JARID2: variants seen among roughly 807,000 people sequenced by gnomAD.
JARID2 encodes the protein jumonji and AT-rich interaction domain containing 2, also known as protein Jumonji.
JARID2 carries 21 observed loss-of-function variants against 125.6 expected under a neutral mutation model. The ratio of observed to expected loss-of-function variants is 0.17; its 90% CI spans 0.12 to 0.24. JARID2 has a LOEUF of 0.24. JARID2 is among the 10% of genes least tolerant of loss of function. JARID2 has a pLI of 1.00. For synonymous variants in JARID2, 736 were observed against 661.6 expected (o/e 1.11, Z -1.73); for missense variants, 1,303 against 1,639.6 (o/e 0.79, Z 3.55).
At chr6:15,300,683 TTGTGTGTG>T (rs35433395) in intron 1 of JARID2, among the ~76,000 whole-genome samples, 22 of 114,488 alleles carry the variant, frequency 1.9e-4, no homozygotes, top group South Asian at 3.5e-4. Context: ...TGTCCTCATG[TTGTGTGTG>T]TGTGTGTGTG....
At chr6:15,248,105 G>A in intron 1 of JARID2, 1 of 985,146 alleles carries the variant, frequency 1.0e-6, no homozygotes, top group Non-Finnish European at 1.2e-6. Context: ...TCGTGTCTCC[G>A]AGTCCGGGCG....
chr6:15,494,413 C>CTGTTTTTTT (rs1770303166), intron 6 of JARID2, among the ~76,000 whole-genome samples: 1 of 80,596 alleles, frequency 1.2e-5, no homozygotes, highest in Non-Finnish European at 2.2e-5. Flanking sequence ...TTTGGCAAGT[C>CTGTTTTTTT]TTTTTTTTTT....
chr6:15,321,205 TATCAGTATA>T (rs1239689033), intron 1 of JARID2, among the ~76,000 whole-genome samples: 1 of 152,174 alleles, frequency 6.6e-6, no homozygotes, highest in Non-Finnish European at 1.5e-5. Flanking sequence ...ATATACTATA[TATCAGTATA>T]ATCAGTATAA....
At chr6:15,272,024 T>G (rs1446568353) in intron 1 of JARID2, among the ~76,000 whole-genome samples, 1 of 150,270 alleles carries the variant, frequency 6.7e-6, no homozygotes, top group Non-Finnish European at 1.5e-5. Context: ...TCAGGAGAGG[T>G]TGAGGCATGA....
At chr6:15,508,548 T>A in intron 12 of JARID2, 94 bp downstream of exon 12, 1 of 738,960 alleles carries the variant, frequency 1.4e-6, no homozygotes, top group Non-Finnish European at 2.4e-6. Flanking sequence ...TCCAGGTGGT[T>A]CCACGTGCTT....
In JARID2 at chr6:15,520,434, A is replaced by AAAGT; in HGVS notation, c.*183_*184insAAGT. 2.0e-6 allele frequency: 1 copy of AAAGT among 500,878 alleles called. No individual in the cohort carries two copies. Among genetic ancestry groups the AAAGT allele is most frequent in the Non-Finnish European group, 3.4e-6 (1 of 292,344 alleles). The allele number at this position is 500,878 out of a possible 1,614,324, so 31.0% of individuals were successfully genotyped here. On this transcript the variant is annotated 3_prime_UTR_variant, in exon 18 of 18. Coordinates refer to ENST00000341776, the MANE Select transcript of JARID2 (RefSeq NM_004973.4). The stretch of plus-strand genomic sequence containing the variant: ...TTGAACTTTTTTTTGTACTTAGAAA[A>AAAGT]CCTAGATACTGCAGTCAGATTTTGG...
chr6:15,411,970 CTT>C (rs549679576), intron 3 of JARID2, among the ~76,000 whole-genome samples: 174 of 152,326 alleles, frequency 1.1e-3, no homozygotes, highest in African/African-American at 3.7e-3. Context: ...CTAGCTTTCT[CTT>C]TGTATGGGAC....
chr6:15,319,264 T>A (rs1304189802), intron 1 of JARID2, among the ~76,000 whole-genome samples: 1 of 152,166 alleles, frequency 6.6e-6, no homozygotes, highest in Non-Finnish European at 1.5e-5. Context: ...GGTGGACCAA[T>A]GAGAAGCTGT....
At position 15,521,548 on chromosome 6, in the gene JARID2, AC is replaced by A. The variant is rs1385720859; in HGVS notation, c.*1298del. The stretch of plus-strand genomic sequence containing the variant: ...GTGCTGCTTACATCACTGAACAACA[AC>A]AAAAAAATAATAATGGAGTAGCTGT... On this transcript the variant is annotated 3_prime_UTR_variant, in exon 18 of 18. Coordinates refer to ENST00000341776, the MANE Select transcript of JARID2 (RefSeq NM_004973.4). The A allele has an allele frequency of 6.6e-6, 1 of 152,196 alleles. No individual in the cohort carries two copies. Among genetic ancestry groups the A allele is most frequent in the African/African-American group, 2.4e-5 (1 of 41,422 alleles). The allele number at this position is 152,196 out of a possible 1,614,324, so 9.4% of individuals were successfully genotyped here.
intron 3 of JARID2, among the ~76,000 whole-genome samples, chr6:15,426,547 G>A (rs1223912118): frequency 1.3e-5 from 2 of 152,220 alleles, no homozygotes; most frequent in African/African-American, 2.4e-5. Flanking sequence ...CTATGCTTAA[G>A]TGTTGGCTCC....
chr6:15,361,763 TG>T (rs1219396893), intron 1 of JARID2, among the ~76,000 whole-genome samples: 1 of 152,120 alleles, frequency 6.6e-6, no homozygotes, highest in Non-Finnish European at 1.5e-5. Flanking sequence ...AAGGAAGAAA[TG>T]TTGGAACTGG....
intron 3 of JARID2, among the ~76,000 whole-genome samples, chr6:15,430,962 C>T (rs1766941779): frequency 6.6e-6 from 1 of 152,164 alleles, no homozygotes; most frequent in Non-Finnish European, 1.5e-5. Flanking sequence ...TACTCAGCCC[C>T]CAAGAAATAT....
rs747597176 is a variant in JARID2 at position 15,512,409 on chromosome 6, C to T, written c.3135+19C>T. 2 of 1,609,748 alleles carry T rather than the reference C, an allele frequency of 1.2e-6. No individual in the cohort carries two copies. The highest frequency in any genetic ancestry group is 1.1e-5 in the South Asian group (1 of 90,988). ...CGCCAAGGTGAGCAGAGCCGGCCTC[C>T]TCCCGCTTGCTGCCCCCGCATCCCT... On this transcript the variant is annotated intron_variant, in intron 14 of 17. Coordinates refer to ENST00000341776, the MANE Select transcript of JARID2 (RefSeq NM_004973.4).
chr6:15,247,376 C>G (rs1211068466), intron 1 of JARID2: 3 of 937,284 alleles, frequency 3.2e-6, no homozygotes, highest in Non-Finnish European at 3.8e-6. Context: ...CATAGTACAG[C>G]TACGTTTTGA....
At position 15,510,119 on chromosome 6, in the gene JARID2, G is replaced by A. The variant is rs920818869; in HGVS notation, c.2847-1177G>A. ...TGCTGCCCGCCTGGACCTGGGGGGC[G>A]GGGGCTGTGGGGAGGGGCTGGCGGT... On this transcript the variant is annotated intron_variant, in intron 12 of 17. Coordinates refer to ENST00000341776, the MANE Select transcript of JARID2 (RefSeq NM_004973.4). Among the ~76,000 whole-genome samples, 5 of 152,232 alleles carry A rather than the reference G, an allele frequency of 3.3e-5. No individual in the cohort carries two copies. The South Asian group carries it at 6.2e-4, about 19-fold the overall frequency.
At chr6:15,395,336 C>T (rs1331110621) in intron 2 of JARID2, among the ~76,000 whole-genome samples, 1 of 152,072 alleles carries the variant, frequency 6.6e-6, no homozygotes, top group Non-Finnish European at 1.5e-5. Context: ...GCTCTTGTCG[C>T]CCAGGCTGGA....
At chr6:15,462,002 A>T (rs1029555019) in intron 4 of JARID2, among the ~76,000 whole-genome samples, 7 of 151,956 alleles carry the variant, frequency 4.6e-5, no homozygotes, top group African/African-American at 1.5e-4. Context: ...TGCTCATGCT[A>T]TTGAGGGCTG....
chr6:15,354,016 G>A (rs1391343825), intron 1 of JARID2, among the ~76,000 whole-genome samples: 1 of 152,196 alleles, frequency 6.6e-6, no homozygotes, highest in Non-Finnish European at 1.5e-5. Flanking sequence ...TCAGAGTTCA[G>A]CATGAGGTGT....
chr6:15,352,822 G>C (rs763288626), intron 1 of JARID2, among the ~76,000 whole-genome samples: 1 of 152,146 alleles, frequency 6.6e-6, no homozygotes, highest in Non-Finnish European at 1.5e-5. Flanking sequence ...AAATAAATAC[G>C]CATAGCATAG....
Sources: gnomAD v4.1 joint callset for allele counts (sites outside exome capture counted in the v4.1 genomes callset) on GRCh38, gnomAD v4.1.1 for gene constraint, MANE v1.5 for transcripts, NCBI Gene and HGNC (gene_info 2026-07-23, HGNC 2026-07-21) for gene names.